ADAMTS15: variants seen among roughly 807,000 people sequenced by gnomAD.
ADAMTS15 encodes the protein A disintegrin and metalloproteinase with thrombospondin motifs 15.
A neutral mutation model predicts 79.1 loss-of-function variants in ADAMTS15; 35 were observed. The observed-to-expected ratio is 0.44, with a 90% CI of 0.34 to 0.59. ADAMTS15 has a LOEUF of 0.59. Among genes scored for constraint, ADAMTS15 ranks in the 20% least tolerant of loss-of-function variants. The probability of loss-of-function intolerance (pLI) is 0.02; values close to 1 mark genes in which losing one functional copy is unlikely to be tolerated. For synonymous variants in ADAMTS15, 616 were observed against 567.3 expected (o/e 1.09, Z -1.22); for missense variants, 1,324 against 1,318.7 (o/e 1.00, Z -0.06).
intron 1 of ADAMTS15, among the ~76,000 whole-genome samples, chr11:130,451,340 G>A (rs1937956689): frequency 2.0e-5 from 3 of 152,318 alleles, no homozygotes; most frequent in Middle Eastern, 3.4e-3. Context: ...GGCACAGCTA[G>A]TCCCTTCCTG....
intron 4 of ADAMTS15, among the ~76,000 whole-genome samples, chr11:130,466,401 T>C (rs750987571): frequency 2.0e-5 from 3 of 152,240 alleles, no homozygotes; most frequent in Non-Finnish European, 4.4e-5. Flanking sequence ...TAGCATCTTA[T>C]ACATGTGTCT....
Position 130,462,348 on chromosome 11 carries a change from A to G in ADAMTS15, c.1258+94A>G, listed in dbSNP as rs1046135840. On this transcript the variant is annotated intron_variant, in intron 3 of 7. Transcript: ENST00000299164. The surrounding 1 kb of genome is among the most constrained non-coding windows in gnomAD (Gnocchi z 4.3). ...GTGCTCACTTCTCCGTCCTCTGTACATTAGGTGTGTGTGCCCCCTCGGAGC... is the reference window on the plus strand; with the variant it reads ...GTGCTCACTTCTCCGTCCTCTGTACGTTAGGTGTGTGTGCCCCCTCGGAGC... The G allele has an allele frequency of 7.3e-6, 11 of 1,499,488 alleles. No individual in the cohort carries two copies. The South Asian group carries it at 1.3e-4, about 18-fold the overall frequency. 92.9% of individuals were successfully genotyped at this position (1,499,488 alleles called of 1,614,324 possible).
chr11:130,459,750 C>T (rs538269100), intron 1 of ADAMTS15, among the ~76,000 whole-genome samples: 5 of 152,148 alleles, frequency 3.3e-5, no homozygotes, highest in Non-Finnish European at 7.3e-5. Flanking sequence ...ATCATCTGAC[C>T]GTGGGAAGCC....
At chr11:130,467,144 A>C (rs1938317534) in intron 4 of ADAMTS15, among the ~76,000 whole-genome samples, 1 of 152,196 alleles carries the variant, frequency 6.6e-6, no homozygotes, top group East Asian at 1.9e-4. Flanking sequence ...AATGATACCA[A>C]ATAAAAACCA....
intron 5 of ADAMTS15, among the ~76,000 whole-genome samples, chr11:130,470,133 CATATATATATATATATATGTGTAT>C (rs1938394227): frequency 2.7e-5 from 2 of 74,820 alleles, no homozygotes; most frequent in Non-Finnish European, 5.0e-5. Context: ...TATATATATA[CATATATATATATATATATGTGTAT>C]ATATATATAT....
At position 130,469,414 on chromosome 11, in the gene ADAMTS15, C is replaced by T; in HGVS notation, c.1695C>T (p.Cys565=). 1.5e-6 allele frequency: 2 copies of T among 1,348,226 alleles called. No homozygotes were observed. Among genetic ancestry groups the T allele is most frequent in the Non-Finnish European group, 9.6e-7 (1 of 1,040,998 alleles). The allele number at this position is 1,348,226 out of a possible 1,614,324, so 83.5% of individuals were successfully genotyped here. A position where few individuals can be genotyped will look rare whatever the true frequency, so the allele number is the denominator to read the frequency against. ...CEGVRVKYRS[C]NLEPCPSSAS... Reference sequence around the variant, plus strand: ...GAGTGAGGGTGAAATACCGATCCTGCAATCTGGAGCCCTGCCCCAGCTCAG... The same window carrying T: ...GAGTGAGGGTGAAATACCGATCCTGTAATCTGGAGCCCTGCCCCAGCTCAG... The change falls in exon 5 of 8, where the codon TGC becomes TGT. Residue 565 remains cysteine, a synonymous_variant. Coordinates refer to ENST00000299164, the MANE Select transcript of ADAMTS15 (RefSeq NM_139055.4).
Position 130,449,110 on chromosome 11 carries a change from AGGACTCCGG to A in ADAMTS15, c.141_149del (p.Ser48_Asp50del), listed in dbSNP as rs1216624480. The A allele has an allele frequency of 6.3e-7, 1 of 1,585,190 alleles. No individual in the cohort carries two copies. Among genetic ancestry groups the A allele is most frequent in the African/African-American group, 1.3e-5 (1 of 74,184 alleles). On this transcript the variant is annotated inframe_deletion, in exon 1 of 8. Transcript: ENST00000299164. The surrounding 1 kb of genome is among the most constrained non-coding windows in gnomAD (Gnocchi z 7.8). ...CGCCGCTACTACTGGCGGGGTCCCG[AGGACTCCGG>A]GGATCAGGGACTCATTTTTCAGATC... is the stretch of plus-strand genomic sequence containing the variant.
intron 4 of ADAMTS15, among the ~76,000 whole-genome samples, chr11:130,466,736 G>A (rs1398435091): frequency 1.3e-5 from 2 of 152,172 alleles, no homozygotes; most frequent in Non-Finnish European, 2.9e-5. Flanking sequence ...TCTCTGCTCA[G>A]CACCCTTTAG....
chr11:130,470,027 C>T (rs562720322), intron 5 of ADAMTS15, among the ~76,000 whole-genome samples: 3 of 149,266 alleles, frequency 2.0e-5, no homozygotes, highest in East Asian at 3.9e-4. Context: ...GATATTTTCA[C>T]GTGACATTTT....
chr11:130,452,662 T>G (rs569024858), intron 1 of ADAMTS15, among the ~76,000 whole-genome samples: 6 of 152,332 alleles, frequency 3.9e-5, no homozygotes, highest in South Asian at 4.1e-4. Flanking sequence ...GGTACTACCC[T>G]GGGCTGTGGA....
rs778691188 is a variant in ADAMTS15 at position 130,473,196 on chromosome 11, T to C, written c.2228T>C (p.Val743Ala). 2 of 1,614,046 alleles carry C rather than the reference T, an allele frequency of 1.2e-6. No homozygotes were observed. Among genetic ancestry groups the C allele is most frequent in the Admixed American group, 3.3e-5 (2 of 60,028 alleles). Residue 743 changes from valine to alanine, a missense_variant, in exon 8 of 8, where the codon GTG becomes GCG. Val to Ala is a moderately conservative substitution (Grantham distance 64). Transcript: ENST00000299164. ...TACCTGCTCAACGGGCATTTCGTGG[T>C]GTCGGCGGTGGAGCGGGACCTGGTG... Reference protein sequence around the residue: ...GKYLLNGHFVVSAVERDLVVK... With the variant: ...GKYLLNGHFVASAVERDLVVK...
rs758888042 is a variant in ADAMTS15, at chr11:130,449,358, T to C, written c.385T>C (p.Tyr129His). 4.4e-6 allele frequency: 7 copies of C among 1,606,326 alleles called. No homozygotes were observed. Among genetic ancestry groups the C allele is most frequent in the Non-Finnish European group, 5.9e-6 (7 of 1,179,964 alleles). ...CGGGGGGCTCCGCGGAGCCTTTGGC[T>C]ACCGAGGCGCCGAGTATGTCATTAG... ...LCGGLRGAFG[Y>H]RGAEYVISPL... Residue 129 changes from tyrosine to histidine, a missense_variant, in exon 1 of 8, where the codon TAC becomes CAC. Tyr to His is a moderately conservative substitution (Grantham distance 83). Transcript: ENST00000299164. This position sits in a 1 kb window ranked among gnomAD's most constrained non-coding sequence, Gnocchi z 7.8.
At position 130,470,208 on chromosome 11, in the gene ADAMTS15, A is replaced by ATG. The variant is rs1555081090; in HGVS notation, c.1721-710_1721-709dup. Among the ~76,000 whole-genome samples the ATG allele has an allele frequency of 1.5e-3, 95 of 63,240 alleles. 2 individuals carry two copies. Among genetic ancestry groups the ATG allele is most frequent in the South Asian group, 2.2e-3 (5 of 2,240 alleles). 41.5% of individuals were successfully genotyped at this position (63,240 alleles called of 152,430 possible). On this transcript the variant is annotated intron_variant, in intron 5 of 7. Coordinates refer to ENST00000299164, the MANE Select transcript of ADAMTS15 (RefSeq NM_139055.4). ...TGTGTATATATATATATATATATAT[A>ATG]TGTATATATATATATATTTTCTGAG...
intron 5 of ADAMTS15, among the ~76,000 whole-genome samples, chr11:130,469,697 G>A (rs1938381324): frequency 6.6e-6 from 1 of 152,102 alleles, no homozygotes; most frequent in Non-Finnish European, 1.5e-5. Flanking sequence ...CTCACCTTTG[G>A]CAAGGGTGTT....
Position 130,462,231 on chromosome 11 carries a change from C to T in ADAMTS15, c.1235C>T (p.Thr412Ile), listed in dbSNP as rs1460005000. 1 of 1,613,972 alleles carries T rather than the reference C, an allele frequency of 6.2e-7. No homozygotes were observed. Among genetic ancestry groups the T allele is most frequent in the East Asian group, 2.2e-5 (1 of 44,882 alleles). ...PWSACSAAII[T>I]DFLDSGHGDC... ...TCAGCCTGCAGTGCTGCCATCATCA[C>T]CGACTTCCTGGACAGCGGGCACGGT... Residue 412 changes from threonine to isoleucine, a missense_variant, in exon 3 of 8, where the codon ACC becomes ATC. Coordinates refer to ENST00000299164, the MANE Select transcript of ADAMTS15 (RefSeq NM_139055.4). This position sits in a 1 kb window ranked among gnomAD's most constrained non-coding sequence, Gnocchi z 4.3.
intron 1 of ADAMTS15, among the ~76,000 whole-genome samples, chr11:130,457,890 G>A (rs1938120187): frequency 6.6e-6 from 1 of 152,294 alleles, no homozygotes; most frequent in Admixed American, 6.5e-5. Context: ...ATACAGCTGT[G>A]TCTTCCCACA....
chr11:130,454,771 A>G (rs186944025), intron 1 of ADAMTS15, among the ~76,000 whole-genome samples: 28 of 152,260 alleles, frequency 1.8e-4, no homozygotes, highest in African/African-American at 4.8e-4. Flanking sequence ...AGTTACATCA[A>G]ATGAGTTCAC....
In ADAMTS15 at chr11:130,473,117, A is replaced by G. The variant is rs1938492620; in HGVS notation, c.2149A>G (p.Lys717Glu). Residue 717 changes from lysine to glutamate, a missense_variant, in exon 8 of 8, where the codon AAA becomes GAA. Transcript: ENST00000299164. Reference protein sequence around the residue: ...SSIDIRQRGYKGLIGDDNYLA... With the variant: ...SSIDIRQRGYEGLIGDDNYLA... ...CATCGACATCCGCCAGCGCGGTTAC[A>G]AAGGGCTGATCGGGGATGACAACTA... 1.9e-6 allele frequency: 3 copies of G among 1,613,952 alleles called. No homozygotes were observed. Among genetic ancestry groups the G allele is most frequent in the Non-Finnish European group, 2.5e-6 (3 of 1,180,042 alleles).
In ADAMTS15 at chr11:130,472,630, A is replaced by G. The variant is rs1938480285; in HGVS notation, c.2079-417A>G. ...GGGCCAGTGTCCTCTCACTGCATTG[A>G]GCTCCTAGCCTCAGGCTCTGGGATG... On this transcript the variant is annotated intron_variant, in intron 7 of 7. Transcript: ENST00000299164. This position sits in a 1 kb window ranked among gnomAD's most constrained non-coding sequence, Gnocchi z 4.7. Among the ~76,000 whole-genome samples, 1 of 151,906 alleles carries G rather than the reference A, an allele frequency of 6.6e-6. No individual in the cohort carries two copies. Among genetic ancestry groups the G allele is most frequent in the African/African-American group, 2.4e-5 (1 of 41,310 alleles).
Sources: gnomAD v4.1 joint callset for allele counts (sites outside exome capture counted in the v4.1 genomes callset) on GRCh38, gnomAD v4.1.1 for gene constraint, Gnocchi (gnomAD v3.1) non-coding constraint, MANE v1.5 for transcripts, NCBI Gene and HGNC (gene_info 2026-07-23, HGNC 2026-07-21) for gene names.